The following TSPAN9 variants were observed in gnomAD, a reference collection of about 807,000 sequenced individuals.
TSPAN9 encodes tetraspanin-9.
In TSPAN9, 16 loss-of-function variants were observed where a neutral mutation model predicts 31.0. The observed-to-expected ratio is 0.52, with a 90% CI of 0.35 to 0.78. The LOEUF is 0.78. TSPAN9 is among the 30% of genes least tolerant of loss of function. The pLI is 0.01. For missense variants in TSPAN9, 272 were observed against 312.5 expected (o/e 0.87, Z 0.98); for synonymous variants, 145 against 121.6 (o/e 1.19, Z -1.27).
At chr12:3,214,548 G>C (rs187507778) in intron 3 of TSPAN9, among the ~76,000 whole-genome samples, 3 of 152,198 alleles carry the variant, frequency 2.0e-5, no homozygotes, top group East Asian at 1.9e-4. Flanking sequence ...CTTAGTGGTG[G>C]GGGGAGAATC....
chr12:3,130,205 C>T (rs909469604), intron 2 of TSPAN9, among the ~76,000 whole-genome samples: 27 of 152,246 alleles, frequency 1.8e-4, no homozygotes, highest in Admixed American at 6.5e-4. Flanking sequence ...GCCCTCAGTG[C>T]CAGCGCACTG....
At chr12:3,184,497 C>T (rs1245500957) in intron 2 of TSPAN9, among the ~76,000 whole-genome samples, 1 of 152,110 alleles carries the variant, frequency 6.6e-6, no homozygotes, top group African/African-American at 2.4e-5. Context: ...CCCTCTTCCC[C>T]CAAATCCAGG....
intron 2 of TSPAN9, among the ~76,000 whole-genome samples, chr12:3,096,486 C>G (rs1325995489): frequency 1.3e-5 from 2 of 151,912 alleles, no homozygotes; most frequent in African/African-American, 4.8e-5. Flanking sequence ...TGGTGCTTTC[C>G]CTGTTTTCTC....
chr12:3,092,180 A>C (rs1364231051), intron 2 of TSPAN9, among the ~76,000 whole-genome samples: 1 of 152,126 alleles, frequency 6.6e-6, no homozygotes, highest in Non-Finnish European at 1.5e-5. Context: ...GTAGCAGGTA[A>C]ATTCCCCAGA....
intron 3 of TSPAN9, among the ~76,000 whole-genome samples, chr12:3,245,638 G>A (rs1281758170): frequency 6.6e-6 from 1 of 152,156 alleles, no homozygotes; most frequent in Non-Finnish European, 1.5e-5. Flanking sequence ...AAGAATCAGA[G>A]CCACCAAAAC....
chr12:3,124,229 G>A lies in TSPAN9; in HGVS notation c.-18+40510G>A, dbSNP rs539815116. The stretch of plus-strand genomic sequence containing the variant: ...CATTTATGTCTAGAGTTGCAAAAAT[G>A]CAACATTGCTTAGAATTATTTTTAG... On this transcript the variant is annotated intron_variant, in intron 2 of 8. Transcript: ENST00000011898. Among the ~76,000 whole-genome samples the A allele has an allele frequency of 2.6e-5, 4 of 152,260 alleles. No homozygotes were observed. In the South Asian group the frequency reaches 6.2e-4, roughly 24 times the overall value.
chr12:3,131,717 G>C (rs917942845), intron 2 of TSPAN9, among the ~76,000 whole-genome samples: 1 of 152,074 alleles, frequency 6.6e-6, no homozygotes, highest in African/African-American at 2.4e-5. Flanking sequence ...TTTGTTACCA[G>C]GTATTGTGTC....
chr12:3,101,575 T>A (rs1321677116), intron 2 of TSPAN9, among the ~76,000 whole-genome samples: 1 of 152,164 alleles, frequency 6.6e-6, no homozygotes, highest in Non-Finnish European at 1.5e-5. Flanking sequence ...TCCTTACTAC[T>A]GTTTTATGAA....
chr12:3,123,701 A>G (rs2098326150), intron 2 of TSPAN9, among the ~76,000 whole-genome samples: 3 of 151,576 alleles, frequency 2.0e-5, no homozygotes, highest in South Asian at 2.1e-4. Flanking sequence ...AGAGCTTTGC[A>G]TGCATTACCT....
chr12:3,205,123 G>C (rs568996340), intron 3 of TSPAN9, among the ~76,000 whole-genome samples: 1 of 152,178 alleles, frequency 6.6e-6, no homozygotes, highest in Non-Finnish European at 1.5e-5. Flanking sequence ...TGGAGGGGTG[G>C]GGGCGGGGCT....
chr12:3,273,791 C>T (rs372462750), intron 3 of TSPAN9, among the ~76,000 whole-genome samples: 3 of 152,136 alleles, frequency 2.0e-5, no homozygotes, highest in African/African-American at 4.8e-5. Context: ...CCTGCCTGTG[C>T]GGGGCAGGCC....
intron 3 of TSPAN9, among the ~76,000 whole-genome samples, chr12:3,236,092 C>T (rs1438691762): frequency 2.0e-5 from 3 of 152,202 alleles, no homozygotes; most frequent in African/African-American, 7.2e-5. Flanking sequence ...GTTCCTTTAG[C>T]GTCCTCTGCA....
At chr12:3,277,080 G>C (rs1862803317) in intron 3 of TSPAN9, among the ~76,000 whole-genome samples, 2 of 152,218 alleles carry the variant, frequency 1.3e-5, no homozygotes, top group Non-Finnish European at 1.5e-5. Context: ...CCAGCAAGCA[G>C]TGCCCGGAGC....
At chr12:3,273,661 G>A (rs539966161) in intron 3 of TSPAN9, among the ~76,000 whole-genome samples, 1 of 152,298 alleles carries the variant, frequency 6.6e-6, no homozygotes, top group African/African-American at 2.4e-5. Context: ...TGTGCTATGT[G>A]CTGGGCTCCC....
intron 3 of TSPAN9, among the ~76,000 whole-genome samples, chr12:3,259,709 C>T (rs73047077): frequency 0.043 from 6,544 of 152,304 alleles, 228 homozygotes; most frequent in Non-Finnish European, 0.072. Flanking sequence ...TGATGGGCCT[C>T]GGACCCAGCA....
intron 3 of TSPAN9, chr12:3,206,520 A>C: frequency 3.6e-6 from 1 of 275,804 alleles, no homozygotes; most frequent in Non-Finnish European, 7.9e-6. Flanking sequence ...CCACTTTCTG[A>C]CTCTCCTGCT....
At chr12:3,237,801 T>C (rs940051394) in intron 3 of TSPAN9, among the ~76,000 whole-genome samples, 4 of 152,178 alleles carry the variant, frequency 2.6e-5, no homozygotes, top group Admixed American at 6.5e-5. Flanking sequence ...TCCCTCCAGC[T>C]GTCCCTGAGT....
At chr12:3,175,932 T>C (rs936037533) in intron 2 of TSPAN9, among the ~76,000 whole-genome samples, 71 of 152,306 alleles carry the variant, frequency 4.7e-4, no homozygotes, top group Admixed American at 2.9e-3. Context: ...CAGACCCACA[T>C]TGGCTCCCAG....
intron 3 of TSPAN9, among the ~76,000 whole-genome samples, chr12:3,230,227 G>A (rs950655690): frequency 1.3e-5 from 2 of 152,164 alleles, no homozygotes; most frequent in African/African-American, 2.4e-5. Context: ...GGCCGGTGCC[G>A]GTTATAGGCA....
Sources: allele counts gnomAD v4.1 joint callset (sites outside exome capture counted in the v4.1 genomes callset), GRCh38; gene constraint gnomAD v4.1.1; transcripts MANE v1.5; gene names NCBI Gene and HGNC (gene_info 2026-07-23, HGNC 2026-07-21).